Variants in NFKBIA observed in about 807,000 individuals in gnomAD.
NFKBIA encodes the protein NFKB inhibitor alpha, also known as NF-kappa-B inhibitor alpha.
Under a neutral mutation model 36.3 loss-of-function variants are expected in NFKBIA, and 10 were observed. The ratio of observed to expected loss-of-function variants is 0.28; its 90% CI spans 0.17 to 0.47. The LOEUF is 0.47. Among genes scored for constraint, NFKBIA ranks in the 20% least tolerant of loss-of-function variants. The pLI is 0.99. For missense variants in NFKBIA, 355 were observed against 399.3 expected, an observed-to-expected ratio of 0.89 and a Z score of 0.94; for synonymous variants, 205 against 164.4, an observed-to-expected ratio of 1.25 and a Z score of -1.89.
In NFKBIA at chr14:35,402,397, G is replaced by A. The variant is rs146132589; in HGVS notation, c.903C>T (p.Asp301=). 170 of 1,614,130 alleles carry A rather than the reference G, an allele frequency of 1.1e-4. No individual in the cohort carries two copies. The African/African-American group carries it at 1.1e-3, about 11-fold the overall frequency. The change falls in exon 5 of 6, where the codon GAC becomes GAT. Residue 301 remains aspartate (D), a synonymous_variant. Coordinates refer to ENST00000216797, the MANE Select transcript of NFKBIA (RefSeq NM_020529.3). ...TESEFTEFTE[D]ELPYDDCVFG... ...CCGAAGGAGTTCACAGACTCACCTC[G>A]TCCTCTGTGAACTCCGTGAACTCTG...
At position 35,404,578 on chromosome 14, in the gene NFKBIA, C is replaced by T; in HGVS notation, c.67G>A (p.Glu23Lys). 6.3e-7 allele frequency: 1 copy of T among 1,589,774 alleles called. No homozygotes were observed. The highest frequency in any genetic ancestry group is 8.6e-7 in the Non-Finnish European group (1 of 1,169,568). The change falls in exon 1 of 6, where the codon GAG becomes AAG. Residue 23 changes from glutamate (E) to lysine (K), a missense_variant. Physicochemically the swap from Glu to Lys is moderately conservative, Grantham distance 56. Coordinates refer to ENST00000216797, the MANE Select transcript of NFKBIA (RefSeq NM_020529.3). ...TCGTGGCGGTCGTCCAGTAGCCGCT[C>T]CTTCTTCAGCCCGTCGCGGGGGCCC... ...MEGPRDGLKK[E>K]RLLDDRHDSG...
rs996241544 is a variant in NFKBIA at position 35,401,644 on chromosome 14, G to T, written c.*369C>A. The T allele has an allele frequency of 1.4e-5, 5 of 366,108 alleles. No individual in the cohort carries two copies. The highest frequency in any genetic ancestry group is 4.3e-5 in the Admixed American group (1 of 23,080). 22.7% of individuals were successfully genotyped at this position (366,108 alleles called of 1,614,324 possible). A position where few individuals can be genotyped will look rare whatever the true frequency, so the allele number is the denominator to read the frequency against. ...TAGTAACTTTTCACCCCACATCACT[G>T]AACGCTTAACACTCCTGGCTGTTAC... On this transcript the variant is annotated 3_prime_UTR_variant, in exon 6 of 6. Transcript: ENST00000216797.
intron 3 of NFKBIA, 95 bp downstream of exon 3, chr14:35,403,055 A>C: frequency 7.0e-7 from 1 of 1,422,998 alleles, no homozygotes; most frequent in Non-Finnish European, 9.8e-7. Context: ...TAGGAGTTTA[A>C]GCTCTTGCCT....
chr14:35,404,306 C>T, intron 1 of NFKBIA, 112 bp downstream of exon 1: 1 of 742,162 alleles, frequency 1.3e-6, no homozygotes, highest in Non-Finnish European at 1.9e-6. Context: ...GGCGCCCGCC[C>T]GGCTGCATCG....
chr14:35,403,069 C>T (rs893705124), intron 3 of NFKBIA, 81 bp downstream of exon 3: 8 of 1,493,614 alleles, frequency 5.4e-6, no homozygotes, highest in Non-Finnish European at 7.4e-6. Flanking sequence ...CTTGCCTGGA[C>T]TCCTTAAGTT....
intron 1 of NFKBIA, 147 bp downstream of exon 1, chr14:35,404,271 C>T (rs912297545): frequency 1.5e-5 from 7 of 457,908 alleles, no homozygotes; most frequent in Non-Finnish European, 2.4e-5. Context: ...GCGTTCGGGG[C>T]GGTGCAGGAG....
Position 35,404,291 on chromosome 14 carries a change from GC to G in NFKBIA, c.227+126del, listed in dbSNP as rs11569596. 7,388 of 599,912 alleles carry G rather than the reference GC, an allele frequency of 0.012. 571 individuals are homozygous for G. In the East Asian group the frequency reaches 0.17, roughly 14 times the overall value. 37.2% of individuals were successfully genotyped at this position (599,912 alleles called of 1,614,324 possible). ...CGGGGCGGTGCAGGAGCCCCGGGGT[GC>G]CGCGGCGCCCGCCCGGCTGCATCGC... On this transcript the variant is annotated intron_variant, in intron 1 of 5. Coordinates refer to ENST00000216797, the MANE Select transcript of NFKBIA (RefSeq NM_020529.3).
chr14:35,402,359 A>G (rs374962052), intron 5 of NFKBIA, 35 bp downstream of exon 5: 157 of 1,613,558 alleles, frequency 9.7e-5, no homozygotes, highest in Non-Finnish European at 1.3e-4. Flanking sequence ...ATGGCACCTC[A>G]TTAGTTAGAG....
In NFKBIA at chr14:35,404,491, T is replaced by C. The variant is rs1432162067; in HGVS notation, c.154A>G (p.Ile52Val). Reference protein sequence around the residue: ...YEQMVKELQEIRLEPQEVPRG... With the variant: ...YEQMVKELQEVRLEPQEVPRG... The stretch of plus-strand genomic sequence containing the variant: ...GGCACCTCCTGCGGCTCGAGGCGGA[T>C]CTCCTGCAGCTCCTTGACCATCTGC... The change falls in exon 1 of 6, where the codon ATC becomes GTC. Residue 52 changes from isoleucine to valine, a missense_variant. Physicochemically the swap from Ile to Val is conservative, Grantham distance 29. Coordinates refer to ENST00000216797, the MANE Select transcript of NFKBIA (RefSeq NM_020529.3). The C allele has an allele frequency of 1.2e-6, 2 of 1,603,148 alleles. No homozygotes were observed. Among genetic ancestry groups the C allele is most frequent in the Non-Finnish European group, 1.7e-6 (2 of 1,175,332 alleles).
intron 5 of NFKBIA, 60 bp downstream of exon 5, chr14:35,402,334 G>A (rs2052736977): frequency 2.5e-6 from 4 of 1,600,108 alleles, no homozygotes; most frequent in Non-Finnish European, 3.4e-6. Flanking sequence ...CTAGGGGCCT[G>A]GGAGGGTGAA....
chr14:35,403,490 G>T, intron 2 of NFKBIA, 130 bp from the exon 3 acceptor site: 1 of 1,047,664 alleles, frequency 9.5e-7, no homozygotes, highest in Non-Finnish European at 1.5e-6. Flanking sequence ...CTGGCAAATA[G>T]CAGAGGCTCC....
Position 35,403,779 on chromosome 14 carries a change from T to C in NFKBIA, c.247A>G (p.Ile83Val), listed in dbSNP as rs1165420329. 3.1e-6 allele frequency: 5 copies of C among 1,613,706 alleles called. No homozygotes were observed. Among genetic ancestry groups the C allele is most frequent in the Non-Finnish European group, 4.2e-6 (5 of 1,179,824 alleles). The part of the protein sequence containing the change: ...DGDSFLHLAI[I>V]HEEKALTMEV... ...ATGGTCAGTGCCTTTTCTTCATGGA[T>C]GATGGCCAAGTGCAGGAACCTGTGG... The change falls in exon 2 of 6, where the codon ATC becomes GTC. Residue 83 changes from isoleucine (I) to valine (V), a missense_variant. By Grantham distance (29) the Ile-to-Val change is conservative (BLOSUM62 3). Coordinates refer to ENST00000216797, the MANE Select transcript of NFKBIA (RefSeq NM_020529.3).
chr14:35,404,705 C>A lies in NFKBIA; in HGVS notation c.-61G>T, dbSNP rs560482972. 8.2e-7 allele frequency: 1 copy of A among 1,218,124 alleles called. No individual in the cohort carries two copies. The highest frequency in any genetic ancestry group is 1.6e-5 in the African/African-American group (1 of 62,546). 75.5% of individuals were successfully genotyped at this position (1,218,124 alleles called of 1,614,324 possible). On this transcript the variant is annotated 5_prime_UTR_variant, in exon 1 of 6. Coordinates refer to ENST00000216797, the MANE Select transcript of NFKBIA (RefSeq NM_020529.3). ...CTGGGCCGCGGGCTGCGCGCTGCTT[C>A]CTCGCTGGGGCGCTGGCGGGCGGGA...
chr14:35,402,237 G>A (rs371629891), intron 5 of NFKBIA, among the ~76,000 whole-genome samples, 157 bp downstream of exon 5: 2 of 31,546 alleles, frequency 6.3e-5, no homozygotes, highest in African/African-American at 1.9e-4. Context: ...AAAAAAAGAG[G>A]GGGGGCAGGT....
rs560842402 is a variant in NFKBIA at position 35,402,331 on chromosome 14, C to A, written c.906+63G>T. ...CTCTGATAAGGAGCAGCTCTAGGGG[C>A]CTGGGAGGGTGAAGGGAATGGCACC... On this transcript the variant is annotated intron_variant, in intron 5 of 5. Transcript: ENST00000216797. 13 of 1,594,904 alleles carry A rather than the reference C, an allele frequency of 8.2e-6. No homozygotes were observed. The African/African-American group carries it at 1.5e-4, about 18-fold the overall frequency.
intron 1 of NFKBIA, 45 bp from the exon 2 acceptor site, chr14:35,403,843 G>A (rs1430478676): frequency 1.4e-6 from 2 of 1,437,196 alleles, no homozygotes; most frequent in Non-Finnish European, 1.9e-6. Flanking sequence ...TGAGTGCACC[G>A]CGTGGGGCCC....
chr14:35,402,149 C>G, intron 5 of NFKBIA, 89 bp from the exon 6 acceptor site: 1 of 1,478,582 alleles, frequency 6.8e-7, no homozygotes, highest in Non-Finnish European at 9.4e-7. Flanking sequence ...CTGGAAATAA[C>G]TCTTGGACTC....
intron 2 of NFKBIA, 103 bp from the exon 3 acceptor site, chr14:35,403,463 CA>C: frequency 7.6e-7 from 1 of 1,311,770 alleles, no homozygotes; most frequent in Non-Finnish European, 1.1e-6. Context: ...TCCTCCTAGA[CA>C]GGGGGGTGGG....
At chr14:35,403,412 C>A in intron 2 of NFKBIA, 52 bp from the exon 3 acceptor site, 2 of 1,586,818 alleles carry the variant, frequency 1.3e-6, no homozygotes, top group Non-Finnish European at 1.7e-6. Flanking sequence ...AAACCCACAC[C>A]CCGAGTTCCC....
Sources: gnomAD v4.1 joint callset for allele counts (sites outside exome capture counted in the v4.1 genomes callset) on GRCh38, gnomAD v4.1.1 for gene constraint, MANE v1.5 for transcripts, NCBI Gene and HGNC (gene_info 2026-07-23, HGNC 2026-07-21) for gene names.